The following TSC1 variants were observed in gnomAD, a reference collection of about 807,000 sequenced individuals.
TSC1 encodes hamartin.
In TSC1, 20 loss-of-function variants were observed where a neutral mutation model predicts 124.3. The observed-to-expected ratio is 0.16, with a 90% CI of 0.11 to 0.23. The LOEUF is 0.23. TSC1 is among the 10% of genes least tolerant of loss of function. The pLI is 1.00. For synonymous variants in TSC1, 493 were observed against 539.1 expected, an observed-to-expected ratio of 0.91 and a Z score of 1.19; for missense variants, 1,124 against 1,448.5, an observed-to-expected ratio of 0.78 and a Z score of 3.64.
rs567187061 is a variant in TSC1, at chr9:132,891,948, C to T, written c.*4287G>A. The T allele has an allele frequency of 4.3e-6, 1 of 233,264 alleles. No individual in the cohort carries two copies. The highest frequency in any genetic ancestry group is 5.6e-5 in the Admixed American group (1 of 17,800). 14.4% of individuals were successfully genotyped at this position (233,264 alleles called of 1,614,324 possible). A position where few individuals can be genotyped will look rare whatever the true frequency, so the allele number is the denominator to read the frequency against. ...GAAAGGTCCATTCCAATGGTTAAAC[C>T]AGCCTACTTATCTCAGAGGATGGAT... On this transcript the variant is annotated 3_prime_UTR_variant, in exon 23 of 23. Transcript: ENST00000298552.
rs983384617 is a variant in TSC1 at position 132,919,086 on chromosome 9, A to G, written c.737+2277T>C. On this transcript the variant is annotated intron_variant, in intron 8 of 22. Transcript: ENST00000298552. ...ACAAAACTAGATGTTATAGGCTCCT[A>G]GGCTACAAACCTGCACAGCATGGTA... Among the ~76,000 whole-genome samples the G allele has an allele frequency of 2.0e-5, 3 of 152,236 alleles. No individual in the cohort carries two copies. The East Asian group carries it at 5.8e-4, about 29-fold the overall frequency.
rs552453527 is a variant in TSC1, at chr9:132,891,850, C to A, written c.*4385G>T. Reference sequence around the variant, plus strand: ...CAGAGCAGCACCATACCCTCCTGTCCAAACACTGTAAGAGGTGGGGAAAGG... The same window carrying A: ...CAGAGCAGCACCATACCCTCCTGTCAAAACACTGTAAGAGGTGGGGAAAGG... On this transcript the variant is annotated 3_prime_UTR_variant, in exon 23 of 23. Coordinates refer to ENST00000298552, the MANE Select transcript of TSC1 (RefSeq NM_000368.5). 3.9e-5 allele frequency: 9 copies of A among 233,672 alleles called. No homozygotes were observed. Among genetic ancestry groups the A allele is most frequent in the Admixed American group, 1.7e-4 (3 of 17,796 alleles). The allele number at this position is 233,672 out of a possible 1,614,324, so 14.5% of individuals were successfully genotyped here.
chr9:132,916,562 C>A (rs1165874825), intron 8 of TSC1, among the ~76,000 whole-genome samples: 1 of 152,196 alleles, frequency 6.6e-6, no homozygotes, highest in African/African-American at 2.4e-5. Flanking sequence ...TACCTAAGTA[C>A]TACTCATGGC....
At position 132,921,941 on chromosome 9, in the gene TSC1, G is replaced by A. The variant is rs1057524690; in HGVS notation, c.541C>T (p.His181Tyr). 2.5e-6 allele frequency: 4 copies of A among 1,614,164 alleles called. No individual in the cohort carries two copies. The highest frequency in any genetic ancestry group is 1.7e-5 in the Admixed American group (1 of 60,022). The change falls in exon 7 of 23, where the codon CAT becomes TAT. Residue 181 changes from histidine to tyrosine, a missense_variant. Physicochemically the swap from His to Tyr is moderately conservative, Grantham distance 83. Coordinates refer to ENST00000298552, the MANE Select transcript of TSC1 (RefSeq NM_000368.5). The surrounding 1 kb of genome is among the most constrained non-coding windows in gnomAD (Gnocchi z 4.3). ...HVAEVYLVHL[H>Y]ASVYALFHRL... ...TGAAAGAGTGCGTACACACTGGCAT[G>A]GAGATGGACGAGATAGACTTCCGCC...
At chr9:132,901,539 G>T in intron 19 of TSC1, 50 bp downstream of exon 19, 2 of 1,494,714 alleles carry the variant, frequency 1.3e-6, no homozygotes, top group Non-Finnish European at 9.3e-7. Context: ...AAGGAAGAAT[G>T]TTAGCAAATG....
At chr9:132,942,878 G>T (rs182834206) in intron 1 of TSC1, among the ~76,000 whole-genome samples, 2 of 152,326 alleles carry the variant, frequency 1.3e-5, no homozygotes, top group African/African-American at 2.4e-5. Flanking sequence ...CAATAGCAAA[G>T]AATGTTTCAC....
At chr9:132,899,429 GCCAACTT>G (rs1475465557) in intron 20 of TSC1, 1 of 152,286 alleles carries the variant, frequency 6.6e-6, no homozygotes, top group East Asian at 1.9e-4. Context: ...TCCCTGAATG[GCCAACTT>G]GACCAACCTG....
chr9:132,927,739 A>G (rs947917330), intron 3 of TSC1, among the ~76,000 whole-genome samples: 24 of 151,900 alleles, frequency 1.6e-4, no homozygotes, highest in Non-Finnish European at 3.2e-4. Context: ...ATTGGCCAAC[A>G]TGGTCTCAAT....
rs1846667007 is a variant in TSC1 at position 132,923,325 on chromosome 9, C to T, written c.508+23G>A. The T allele has an allele frequency of 1.2e-6, 2 of 1,613,374 alleles. No individual in the cohort carries two copies. The highest frequency in any genetic ancestry group is 1.1e-5 in the South Asian group (1 of 91,054). ...AAAGCATTCACCTCACAGGGCCCAA[C>T]AGGTATATGAGGAGATCTGTACCTG... On this transcript the variant is annotated intron_variant, in intron 6 of 22. Transcript: ENST00000298552. The surrounding 1 kb of genome is among the most constrained non-coding windows in gnomAD (Gnocchi z 4.2).
Position 132,892,228 on chromosome 9 carries a change from G to A in TSC1, c.*4007C>T, listed in dbSNP as rs879566125. 9.9e-5 allele frequency: 23 copies of A among 233,246 alleles called. No individual in the cohort carries two copies. Among genetic ancestry groups the A allele is most frequent in the Admixed American group, 1.7e-4 (3 of 17,790 alleles). 14.4% of individuals were successfully genotyped at this position (233,246 alleles called of 1,614,324 possible). A position where few individuals can be genotyped will look rare whatever the true frequency, so the allele number is the denominator to read the frequency against. On this transcript the variant is annotated 3_prime_UTR_variant, in exon 23 of 23. Transcript: ENST00000298552. ...ACAAGGGTCACAGCAGCAGCCTAGG[G>A]GCCAGTCCTCGACCTAAACTTGTTC...
rs746365344 is a variant in TSC1 at position 132,893,190 on chromosome 9, T to C, written c.*3045A>G. 95 of 233,166 alleles carry C rather than the reference T, an allele frequency of 4.1e-4. No homozygotes were observed. Among genetic ancestry groups the C allele is most frequent in the Non-Finnish European group, 7.4e-4 (87 of 118,064 alleles). 14.4% of individuals were successfully genotyped at this position (233,166 alleles called of 1,614,324 possible). On this transcript the variant is annotated 3_prime_UTR_variant, in exon 23 of 23. Transcript: ENST00000298552. ...AGCTTAGTCCCAAAGGTCAGGCAGT[T>C]TTCTCTCCTGAAAAACTCTGTGGAC...
At position 132,906,798 on chromosome 9, in the gene TSC1, A is replaced by G. The variant is rs118203524; in HGVS notation, c.1371T>C (p.Ser457=). The change falls in exon 14 of 23, where the codon AGT becomes AGC. Residue 457 remains serine (S), a synonymous_variant. Coordinates refer to ENST00000298552, the MANE Select transcript of TSC1 (RefSeq NM_000368.5). The surrounding 1 kb of genome is among the most constrained non-coding windows in gnomAD (Gnocchi z 4.1). ...PPGSKGSVTL[S]DLPGFLGDLA... ...GATCACCTAAAAACCCTGGAAGATC[A>G]CTTAGAGTGACAGAACCTTTGCTGC... 1 of 1,614,192 alleles carries G rather than the reference A, an allele frequency of 6.2e-7. No individual in the cohort carries two copies. Among genetic ancestry groups the G allele is most frequent in the East Asian group, 2.2e-5 (1 of 44,882 alleles).
chr9:132,940,520 T>A (rs906101640), intron 1 of TSC1, among the ~76,000 whole-genome samples: 4 of 152,200 alleles, frequency 2.6e-5, no homozygotes, highest in Admixed American at 6.5e-5. Flanking sequence ...AGTTAATTTA[T>A]GAGGTCAGCA....
At chr9:132,901,159 G>A (rs955931460) in intron 19 of TSC1, among the ~76,000 whole-genome samples, 4 of 152,210 alleles carry the variant, frequency 2.6e-5, no homozygotes, top group African/African-American at 9.6e-5. Context: ...AAGCCCTAGG[G>A]AAAACTCACC....
chr9:132,912,376 A>C lies in TSC1; in HGVS notation c.819T>G (p.Asp273Glu), dbSNP rs148756522. Residue 273 changes from aspartate (D) to glutamate (E), a missense_variant, in exon 9 of 23, where the codon GAT (aspartate) becomes GAG (glutamate). Asp to Glu is a conservative substitution (Grantham distance 45, BLOSUM62 2). This residue lies in a region of TSC1 where 463 missense variants were observed against 606.8 expected (regional missense o/e 0.76). Transcript: ENST00000298552. ...SLDPTEASYEDGYSVSHQISA... is the reference protein window; with the variant it reads ...SLDPTEASYEEGYSVSHQISA... ...AGATTTGGTGAGACACAGAATAGCC[A>C]TCTTCATATGAGGCTTCTGTGGGAT... The C allele has an allele frequency of 1.7e-5, 28 of 1,614,226 alleles. No individual in the cohort carries two copies. The highest frequency in any genetic ancestry group is 1.3e-4 in the East Asian group (6 of 44,888).
intron 2 of TSC1, among the ~76,000 whole-genome samples, chr9:132,934,122 A>G (rs1399256802): frequency 6.6e-6 from 1 of 152,218 alleles, no homozygotes; most frequent in Non-Finnish European, 1.5e-5. Context: ...AGACAGTGAC[A>G]GAATACACTA....
intron 6 of TSC1, 73 bp from the exon 7 acceptor site, chr9:132,922,046 A>G: frequency 6.3e-7 from 1 of 1,586,210 alleles, no homozygotes; most frequent in Non-Finnish European, 8.6e-7. Flanking sequence ...GCTATAAACA[A>G]GTGGCTGCCA....
chr9:132,922,882 A>C (rs533117095), intron 6 of TSC1, among the ~76,000 whole-genome samples: 1 of 152,026 alleles, frequency 6.6e-6, no homozygotes, highest in Non-Finnish European at 1.5e-5. Context: ...GAAAAAAAAA[A>C]ACCACTGCAT....
Position 132,893,599 on chromosome 9 carries a change from G to A in TSC1, c.*2636C>T, listed in dbSNP as rs1358915527. The stretch of plus-strand genomic sequence containing the variant: ...CAGCAGCAGACTTCGGGCTCCTCGG[G>A]GCCTGTGCTGACTCTGGTTAGTGTC... On this transcript the variant is annotated 3_prime_UTR_variant, in exon 23 of 23. Coordinates refer to ENST00000298552, the MANE Select transcript of TSC1 (RefSeq NM_000368.5). 1 of 233,122 alleles carries A rather than the reference G, an allele frequency of 4.3e-6. No homozygotes were observed. Among genetic ancestry groups the A allele is most frequent in the Non-Finnish European group, 8.5e-6 (1 of 118,028 alleles). The allele number at this position is 233,122 out of a possible 1,614,324, so 14.4% of individuals were successfully genotyped here.
Sources: allele counts gnomAD v4.1 joint callset (sites outside exome capture counted in the v4.1 genomes callset), GRCh38; gene constraint gnomAD v4.1.1; regional missense constraint gnomAD v4.1.1; non-coding constraint Gnocchi (gnomAD v3.1); transcripts MANE v1.5; gene names NCBI Gene and HGNC (gene_info 2026-07-23, HGNC 2026-07-21).